Variants in CCR5AS observed in about 807,000 individuals in gnomAD.
CCR5AS encodes CCR5 antisense RNA.
At chr3:46,379,575 G>T (rs1035967636) in intron 2 of CCR5AS, among the ~76,000 whole-genome samples, 1 of 152,126 alleles carries the variant, frequency 6.6e-6, no homozygotes, top group African/African-American at 2.4e-5. Flanking sequence ...CCTCCTTCAG[G>T]GAAGAGGTGC....
At chr3:46,374,111 A>C (rs1701718561) in intron 2 of CCR5AS, 2 of 506,876 alleles carry the variant, frequency 3.9e-6, no homozygotes, top group African/African-American at 3.8e-5. Context: ...TTTATTTGGC[A>C]TCTGTTTAAA....
chr3:46,389,198 T>A (rs940681353), intron 2 of CCR5AS, among the ~76,000 whole-genome samples: 7 of 152,194 alleles, frequency 4.6e-5, no homozygotes, highest in African/African-American at 1.7e-4. Flanking sequence ...TTATTATTGT[T>A]CTTCAGAAAT....
intron 1 of CCR5AS, among the ~76,000 whole-genome samples, chr3:46,402,860 TA>T (rs1230616736): frequency 6.6e-6 from 1 of 152,206 alleles, no homozygotes; most frequent in Non-Finnish European, 1.5e-5. Flanking sequence ...CAGTACTCAA[TA>T]GGTATCTTTT....
chr3:46,379,614 G>A (rs1033302142), intron 2 of CCR5AS, among the ~76,000 whole-genome samples: 6 of 152,108 alleles, frequency 3.9e-5, no homozygotes, highest in Non-Finnish European at 8.8e-5. Flanking sequence ...GCACTGCTTC[G>A]CCAGGCGTGG....
intron 2 of CCR5AS, among the ~76,000 whole-genome samples, chr3:46,377,264 C>T (rs891720405): frequency 6.6e-6 from 1 of 152,204 alleles, no homozygotes; most frequent in African/African-American, 2.4e-5. Flanking sequence ...CATTACCTCC[C>T]CAGGCCCATG....
chr3:46,380,008 G>GGGCAGGGGGTCTGCACACT lies in CCR5AS; in HGVS notation n.392-8610_392-8592dup, dbSNP rs1309014485. 5.9e-5 allele frequency among the ~76,000 whole-genome samples: 9 copies of GGGCAGGGGGTCTGCACACT among 152,338 alleles called. No homozygotes were observed. The East Asian group carries it at 1.7e-3, about 29-fold the overall frequency. ...AAAAGGCAGGGGAGGAAGTGAGCAAGGGCAGGGGGTCTGCACACTGGCATG... is the reference window on the plus strand; with the variant it reads ...AAAAGGCAGGGGAGGAAGTGAGCAAGGGCAGGGGGTCTGCACACTGGCAGGGGGTCTGCACACTGGCATG... On this transcript the variant is annotated intron_variant and non_coding_transcript_variant, in intron 2 of 3. Coordinates refer to ENST00000451485, the Ensembl canonical transcript of CCR5AS.
intron 2 of CCR5AS, among the ~76,000 whole-genome samples, chr3:46,392,305 C>T (rs1043649729): frequency 2.0e-5 from 3 of 152,120 alleles, no homozygotes; most frequent in African/African-American, 7.2e-5. Flanking sequence ...CTTATAAGCC[C>T]CTTAAAATTA....
intron 1 of CCR5AS, among the ~76,000 whole-genome samples, chr3:46,394,727 A>G (rs1235920180): frequency 6.6e-6 from 1 of 152,146 alleles, no homozygotes; most frequent in Non-Finnish European, 1.5e-5. Flanking sequence ...GGAATGGAGG[A>G]ATTTCTGTGG....
intron 2 of CCR5AS, chr3:46,373,015 C>T (rs1443351351): frequency 1.9e-6 from 3 of 1,614,060 alleles, no homozygotes; most frequent in Admixed American, 3.3e-5. Context: ...CCGCTCTACT[C>T]ACTGGTGTTC....
In CCR5AS at chr3:46,386,576, A is replaced by T. The variant is rs548403175; in HGVS notation, n.391+6249T>A. 3.3e-5 allele frequency among the ~76,000 whole-genome samples: 5 copies of T among 151,532 alleles called. No individual in the cohort carries two copies. In the South Asian group the frequency reaches 1.0e-3, roughly 31 times the overall value. On this transcript the variant is annotated intron_variant and non_coding_transcript_variant, in intron 2 of 3. Transcript: ENST00000451485. ...TCCAGAATATAGAAAGTTCTACAGG[A>T]AAAGGTGGGGCCAAGGTGGGACAGG...
chr3:46,368,755 C>T (rs1361346293), intron 3 of CCR5AS, among the ~76,000 whole-genome samples: 1 of 152,222 alleles, frequency 6.6e-6, no homozygotes, highest in Non-Finnish European at 1.5e-5. Flanking sequence ...AAGTCAGCAG[C>T]ACAGCGTGTG....
chr3:46,381,016 G>A (rs1231258994), intron 2 of CCR5AS, among the ~76,000 whole-genome samples: 1 of 152,174 alleles, frequency 6.6e-6, no homozygotes, highest in Non-Finnish European at 1.5e-5. Flanking sequence ...TTTTTTTAAA[G>A]CATGTGAATC....
chr3:46,373,152 C>T (rs764687756), intron 2 of CCR5AS: 1 of 1,614,006 alleles, frequency 6.2e-7, no homozygotes, highest in South Asian at 1.1e-5. Flanking sequence ...TCTTACTGTC[C>T]CCTTCTGGGC....
Position 46,400,484 on chromosome 3 carries a change from G to A in CCR5AS, n.163+6413C>T, listed in dbSNP as rs564436324. On this transcript the variant is annotated intron_variant and non_coding_transcript_variant, in intron 1 of 3. Transcript: ENST00000451485. Reference sequence around the variant, plus strand: ...ATAGTCAGAGGCTGGAAGGCTTGATGAACAACACATATTACACAAAGAATA... The same window carrying A: ...ATAGTCAGAGGCTGGAAGGCTTGATAAACAACACATATTACACAAAGAATA... Among the ~76,000 whole-genome samples the A allele has an allele frequency of 1.6e-3, 243 of 152,314 alleles. 1 individual carries two copies. The highest frequency in any genetic ancestry group is 2.9e-3 in the Non-Finnish European group (196 of 68,034).
chr3:46,373,913 A>C, intron 2 of CCR5AS: 1 of 1,598,832 alleles, frequency 6.3e-7, no homozygotes, highest in Non-Finnish European at 8.5e-7. Context: ...GAGCAAGCTC[A>C]GTTTACACCC....
At chr3:46,373,293 G>A (rs34418657) in intron 2 of CCR5AS, 138 of 1,613,930 alleles carry the variant, frequency 8.6e-5, no homozygotes, top group Middle Eastern at 6.6e-4. Context: ...CCTGGCTGTC[G>A]TCCATGCTGT....
intron 1 of CCR5AS, among the ~76,000 whole-genome samples, chr3:46,398,085 A>G (rs1247341529): frequency 1.3e-5 from 2 of 152,222 alleles, no homozygotes; most frequent in Non-Finnish European, 2.9e-5. Flanking sequence ...AGGCAGAGGA[A>G]AACACAAACA....
At chr3:46,384,855 TGATAGATA>T (rs72247341) in intron 2 of CCR5AS, among the ~76,000 whole-genome samples, 59,599 of 143,634 alleles carry the variant, frequency 0.41, 12,601 homozygotes, top group African/African-American at 0.46. Flanking sequence ...GGTACATAGA[TGATAGATA>T]GATAGATAGA....
chr3:46,378,616 G>A (rs1421357708), intron 2 of CCR5AS, among the ~76,000 whole-genome samples: 2 of 152,272 alleles, frequency 1.3e-5, no homozygotes, highest in South Asian at 2.1e-4. Flanking sequence ...GAAGACACAC[G>A]AGGAGGCTTT....
Sources: allele counts gnomAD v4.1 joint callset (sites outside exome capture counted in the v4.1 genomes callset), GRCh38; gene constraint gnomAD v4.1.1; transcripts MANE v1.5; gene names NCBI Gene and HGNC (gene_info 2026-07-23, HGNC 2026-07-21).